The following HDAC3 variants were observed in gnomAD, a reference collection of about 807,000 sequenced individuals.
HDAC3 encodes histone deacetylase 3, also known as SMAP45.
In HDAC3, 21 loss-of-function variants were observed where a neutral mutation model predicts 62.3. That is an observed-to-expected ratio of 0.34 (90% CI 0.24 to 0.49). The LOEUF is 0.49. HDAC3 is among the 20% of genes least tolerant of loss of function. The probability of loss-of-function intolerance (pLI) is 0.99; values close to 1 mark genes in which losing one functional copy is unlikely to be tolerated. For synonymous variants in HDAC3, 198 were observed against 206.5 expected (o/e 0.96, Z 0.35); for missense variants, 270 against 556.9 (o/e 0.48, Z 5.19).
In HDAC3 at chr5:141,636,497, G is replaced by A. The variant is rs2099906030; in HGVS notation, c.138+51C>T. 4 of 1,542,190 alleles carry A rather than the reference G, an allele frequency of 2.6e-6. No individual in the cohort carries two copies. The East Asian group carries it at 9.0e-5, about 35-fold the overall frequency. ...CTCAGTCCAGCCCACCTATCCCTACGGCCACAGCTCGCCCCACCCCCCAAC... is the reference window on the plus strand; with the variant it reads ...CTCAGTCCAGCCCACCTATCCCTACAGCCACAGCTCGCCCCACCCCCCAAC... On this transcript the variant is annotated intron_variant, in intron 2 of 14. Coordinates refer to ENST00000305264, the MANE Select transcript of HDAC3 (RefSeq NM_003883.4).
chr5:141,621,757 T>C (rs1434845941), intron 14 of HDAC3, among the ~76,000 whole-genome samples: 1 of 152,218 alleles, frequency 6.6e-6, no homozygotes, highest in Non-Finnish European at 1.5e-5. Flanking sequence ...AGTAACAAGC[T>C]GGACAAGGTT....
rs943742626 is a variant in HDAC3, at chr5:141,626,798, A to G, written c.831-515T>C. 6.4e-5 allele frequency among the ~76,000 whole-genome samples: 9 copies of G among 139,630 alleles called. No individual in the cohort carries two copies. The highest frequency in any genetic ancestry group is 2.5e-4 in the African/African-American group (9 of 36,546). 91.6% of individuals were successfully genotyped at this position (139,630 alleles called of 152,430 possible). A position where few individuals can be genotyped will look rare whatever the true frequency, so the allele number is the denominator to read the frequency against. ...TGTGTGTGTGTGTATATATATATAT[A>G]TACACACACACACACACACACCTCT... On this transcript the variant is annotated intron_variant, in intron 10 of 14. Transcript: ENST00000305264. This position sits in a 1 kb window ranked among gnomAD's most constrained non-coding sequence, Gnocchi z 4.6.
chr5:141,630,740 G>A (rs2099905084), intron 3 of HDAC3, among the ~76,000 whole-genome samples: 1 of 152,236 alleles, frequency 6.6e-6, no homozygotes, highest in African/African-American at 2.4e-5. Flanking sequence ...AAAATACAAG[G>A]ACAGACATCT....
rs2099904355 is a variant in HDAC3, at chr5:141,625,784, A to G, written c.980-20T>C. ...AGTATTCTTGGGGAGGAGAGGAGAA[A>G]GTATGGCTCAGACTGAGAAAGGCAG... On this transcript the variant is annotated intron_variant, in intron 12 of 14. Coordinates refer to ENST00000305264, the MANE Select transcript of HDAC3 (RefSeq NM_003883.4). The surrounding 1 kb of genome is among the most constrained non-coding windows in gnomAD (Gnocchi z 4.0). 6.2e-7 allele frequency: 1 copy of G among 1,606,188 alleles called. No homozygotes were observed. Among genetic ancestry groups the G allele is most frequent in the Non-Finnish European group, 8.5e-7 (1 of 1,172,798 alleles).
In HDAC3 at chr5:141,626,056, C is replaced by T. The variant is rs912508773; in HGVS notation, c.936G>A (p.Ser312=). 1.5e-5 allele frequency: 24 copies of T among 1,613,936 alleles called. No individual in the cohort carries two copies. Among genetic ancestry groups the T allele is most frequent in the African/African-American group, 2.7e-5 (2 of 74,890 alleles). The change falls in exon 12 of 15, where the codon TCG becomes TCA. Residue 312 remains serine, a synonymous_variant. Coordinates refer to ENST00000305264, the MANE Select transcript of HDAC3 (RefSeq NM_003883.4). The surrounding 1 kb of genome is among the most constrained non-coding windows in gnomAD (Gnocchi z 4.6). Reference sequence around the variant, plus strand: ...CACTAATGGCCTCTTCTACCAGCAGCGATGTCTCATATGTCCTGAAACCAA... The same window carrying T: ...CACTAATGGCCTCTTCTACCAGCAGTGATGTCTCATATGTCCTGAAACCAA... ...NVARCWTYET[S]LLVEEAISEE...
rs2099904327 is a variant in HDAC3 at position 141,625,598 on chromosome 5, TG to T, written c.1059+86del. ...TGATGGCTTAGAACTTCCTTCTCTTTGGTTTTTCCTACTTCCCACATCTTTG... is the reference window on the plus strand; with the variant it reads ...TGATGGCTTAGAACTTCCTTCTCTTTGTTTTTCCTACTTCCCACATCTTTG... On this transcript the variant is annotated intron_variant, in intron 13 of 14. Coordinates refer to ENST00000305264, the MANE Select transcript of HDAC3 (RefSeq NM_003883.4). This position sits in a 1 kb window ranked among gnomAD's most constrained non-coding sequence, Gnocchi z 4.0. 7.4e-7 allele frequency: 1 copy of T among 1,349,726 alleles called. No individual in the cohort carries two copies. Among genetic ancestry groups the T allele is most frequent in the Non-Finnish European group, 1.1e-6 (1 of 942,238 alleles). The allele number at this position is 1,349,726 out of a possible 1,614,324, so 83.6% of individuals were successfully genotyped here. A position where few individuals can be genotyped will look rare whatever the true frequency, so the allele number is the denominator to read the frequency against.
At chr5:141,632,554 T>G (rs1437657116) in intron 3 of HDAC3, among the ~76,000 whole-genome samples, 1 of 152,204 alleles carries the variant, frequency 6.6e-6, no homozygotes, top group African/African-American at 2.4e-5. Context: ...ACAAAGAGCA[T>G]CTACGGGACC....
chr5:141,622,456 T>C (rs1441325235), intron 14 of HDAC3, among the ~76,000 whole-genome samples: 1 of 151,984 alleles, frequency 6.6e-6, no homozygotes, highest in African/African-American at 2.4e-5. Flanking sequence ...ATACTAAAGT[T>C]AGCCGGGTGT....
Position 141,629,521 on chromosome 5 carries a change from G to A in HDAC3, c.476+163C>T. The A allele has an allele frequency of 1.2e-5, 11 of 893,420 alleles. No individual in the cohort carries two copies. The South Asian group carries it at 1.4e-4, about 11-fold the overall frequency. 55.3% of individuals were successfully genotyped at this position (893,420 alleles called of 1,614,324 possible). On this transcript the variant is annotated intron_variant, in intron 6 of 14. Coordinates refer to ENST00000305264, the MANE Select transcript of HDAC3 (RefSeq NM_003883.4). The surrounding 1 kb of genome is among the most constrained non-coding windows in gnomAD (Gnocchi z 5.3). Reference sequence around the variant, plus strand: ...GCAGAGAAGGCTGAAATGTGAGCAGGCAGTAGGGAATCTGCAGCAGTGGAA... The same window carrying A: ...GCAGAGAAGGCTGAAATGTGAGCAGACAGTAGGGAATCTGCAGCAGTGGAA...
chr5:141,634,925 T>A lies in HDAC3; in HGVS notation c.167A>T (p.His56Leu). The A allele has an allele frequency of 6.2e-7, 1 of 1,614,090 alleles. No homozygotes were observed. Among genetic ancestry groups the A allele is most frequent in the Non-Finnish European group, 8.5e-7 (1 of 1,180,032 alleles). ...CTCGGAGTGGAAGCGGCACATGTCA[T>A]GTTGGGAGGCCTGGTATGGCTTGAA... ...IVFKPYQASQ[H>L]DMCRFHSEDY... The change falls in exon 3 of 15, where the codon CAT becomes CTT. Residue 56 changes from histidine (H) to leucine (L), a missense_variant. Transcript: ENST00000305264.
At chr5:141,624,651 G>A (rs1034688870) in intron 14 of HDAC3, among the ~76,000 whole-genome samples, 2 of 151,388 alleles carry the variant, frequency 1.3e-5, no homozygotes, top group Non-Finnish European at 2.9e-5. Flanking sequence ...ATGCAAAGAT[G>A]TATAATGTAA....
At chr5:141,622,173 T>G (rs1363834137) in intron 14 of HDAC3, among the ~76,000 whole-genome samples, 1 of 152,214 alleles carries the variant, frequency 6.6e-6, no homozygotes, top group Non-Finnish European at 1.5e-5. Flanking sequence ...ATTTTGGATT[T>G]TCTTCTAAGT....
Position 141,626,165 on chromosome 5 carries a change from A to G in HDAC3, c.920+29T>C. ...GGGACACCCTAGCTCACACTGGACAACAGGGGAGGAAATCAGGAGAGTGCT... is the reference window on the plus strand; with the variant it reads ...GGGACACCCTAGCTCACACTGGACAGCAGGGGAGGAAATCAGGAGAGTGCT... On this transcript the variant is annotated intron_variant, in intron 11 of 14. Transcript: ENST00000305264. This position sits in a 1 kb window ranked among gnomAD's most constrained non-coding sequence, Gnocchi z 4.6. 1.9e-6 allele frequency: 3 copies of G among 1,611,006 alleles called. No homozygotes were observed. The highest frequency in any genetic ancestry group is 2.5e-6 in the Non-Finnish European group (3 of 1,177,122).
At chr5:141,623,233 T>C (rs1043706445) in intron 14 of HDAC3, among the ~76,000 whole-genome samples, 1 of 152,182 alleles carries the variant, frequency 6.6e-6, no homozygotes, top group Non-Finnish European at 1.5e-5. Flanking sequence ...AGAATGATCA[T>C]ATATATGTTG....
Position 141,625,568 on chromosome 5 carries a change from G to T in HDAC3, c.1059+117C>A. On this transcript the variant is annotated intron_variant, in intron 13 of 14. Transcript: ENST00000305264. The surrounding 1 kb of genome is among the most constrained non-coding windows in gnomAD (Gnocchi z 4.0). ...GGACTGCCTCCTAGTCAATAACAGT[G>T]ACTGTGATGGCTTAGAACTTCCTTC... The T allele has an allele frequency of 1.7e-6, 2 of 1,164,014 alleles. No individual in the cohort carries two copies. Among genetic ancestry groups the T allele is most frequent in the South Asian group, 1.3e-5 (1 of 78,938 alleles). 72.1% of individuals were successfully genotyped at this position (1,164,014 alleles called of 1,614,324 possible). A position where few individuals can be genotyped will look rare whatever the true frequency, so the allele number is the denominator to read the frequency against.
Position 141,621,038 on chromosome 5 carries a change from ATCTC to A in HDAC3, c.*426_*429del. 1 of 204,258 alleles carries A rather than the reference ATCTC, an allele frequency of 4.9e-6. No homozygotes were observed. Among genetic ancestry groups the A allele is most frequent in the South Asian group, 7.3e-5 (1 of 13,656 alleles). The allele number at this position is 204,258 out of a possible 1,614,324, so 12.7% of individuals were successfully genotyped here. Reference sequence around the variant, plus strand: ...GTTAGGGAGCCAGAGCCCCTTCCAAATCTCTCTCTCTTCATCTTCCCTGGAAGCA... The same window carrying A: ...GTTAGGGAGCCAGAGCCCCTTCCAAATCTCTCTTCATCTTCCCTGGAAGCA... On this transcript the variant is annotated 3_prime_UTR_variant, in exon 15 of 15. Coordinates refer to ENST00000305264, the MANE Select transcript of HDAC3 (RefSeq NM_003883.4).
rs771884072 is a variant in HDAC3, at chr5:141,625,688, G to A, written c.1056C>T (p.Arg352=). ...VSTRIENQNS[R]QYLDQIRQTI... Reference sequence around the variant, plus strand: ...TCAGCTTTTCTGAGCTGCTGACCTGGCGTGAGTTCTGATTCTCGATGCGGG... The same window carrying A: ...TCAGCTTTTCTGAGCTGCTGACCTGACGTGAGTTCTGATTCTCGATGCGGG... The change falls in exon 13 of 15, where the codon CGC becomes CGT. Residue 352 remains arginine, a synonymous_variant. Coordinates refer to ENST00000305264, the MANE Select transcript of HDAC3 (RefSeq NM_003883.4). The surrounding 1 kb of genome is among the most constrained non-coding windows in gnomAD (Gnocchi z 4.0). 1 of 1,614,032 alleles carries A rather than the reference G, an allele frequency of 6.2e-7. No homozygotes were observed. The highest frequency in any genetic ancestry group is 8.5e-7 in the Non-Finnish European group (1 of 1,179,902).
intron 2 of HDAC3, 94 bp downstream of exon 2, chr5:141,636,454 C>A: frequency 1.9e-6 from 2 of 1,064,660 alleles, no homozygotes; most frequent in Non-Finnish European, 1.5e-6. Context: ...ACTCTAGGGG[C>A]GGGTCGCACT....
At chr5:141,633,825 CAAAAAAAAAAAAA>C (rs11291105) in intron 3 of HDAC3, among the ~76,000 whole-genome samples, 73 of 73,998 alleles carry the variant, frequency 9.9e-4, no homozygotes, top group African/African-American at 3.7e-3. Context: ...GACTCTGTCT[CAAAAAAAAAAAAA>C]AAAAAAAAAA....
Sources: allele counts gnomAD v4.1 joint callset (sites outside exome capture counted in the v4.1 genomes callset), GRCh38; gene constraint gnomAD v4.1.1; non-coding constraint Gnocchi (gnomAD v3.1); transcripts MANE v1.5; gene names NCBI Gene and HGNC (gene_info 2026-07-23, HGNC 2026-07-21).